The following FOXP2 variants were observed in gnomAD, a reference collection of about 807,000 sequenced individuals.
FOXP2 encodes the protein forkhead box protein P2.
In FOXP2, 12 loss-of-function variants were observed where a neutral mutation model predicts 115.8. The observed-to-expected ratio is 0.10, with a 90% CI of 0.07 to 0.17. The LOEUF is 0.17. Ranked by LOEUF, FOXP2 falls within the 10% of genes least tolerant of loss-of-function variation. The pLI is 1.00. For synonymous variants in FOXP2, 328 were observed against 297.7 expected (o/e 1.10, Z -1.05); for missense variants, 629 against 843.5 (o/e 0.75, Z 3.15).
At chr7:114,169,163 A>AG (rs202225545) in intron 1 of FOXP2, among the ~76,000 whole-genome samples, 131,200 of 152,024 alleles carry the variant, frequency 0.86, 57,039 homozygotes, top group Non-Finnish European at 0.92. Flanking sequence ...GCACTGGTGC[A>AG]CTGTGAGAAG....
intron 1 of FOXP2, among the ~76,000 whole-genome samples, chr7:114,126,368 A>G (rs1241210637): frequency 1.3e-5 from 2 of 152,278 alleles, no homozygotes; most frequent in Admixed American, 6.5e-5. Context: ...GTGTCAATGT[A>G]TAGTTACAGT....
intron 2 of FOXP2, among the ~76,000 whole-genome samples, chr7:114,475,174 G>T (rs890842401): frequency 2.0e-5 from 3 of 151,942 alleles, no homozygotes; most frequent in African/African-American, 4.8e-5. Context: ...AAAACAAATT[G>T]ATATATAGTT....
intron 2 of FOXP2, among the ~76,000 whole-genome samples, chr7:114,293,877 T>A (rs911431353): frequency 6.6e-6 from 1 of 152,104 alleles, no homozygotes; most frequent in African/African-American, 2.4e-5. Flanking sequence ...GAGAACAGAC[T>A]CATACAAGAT....
At chr7:114,091,401 C>T (rs1195118390) in intron 1 of FOXP2, among the ~76,000 whole-genome samples, 1 of 151,790 alleles carries the variant, frequency 6.6e-6, no homozygotes, top group Non-Finnish European at 1.5e-5. Context: ...TAGTAATATT[C>T]ATGAAAGCTA....
intron 1 of FOXP2, among the ~76,000 whole-genome samples, chr7:114,253,809 T>G (rs1287264960): frequency 6.6e-6 from 1 of 152,206 alleles, no homozygotes; most frequent in South Asian, 2.1e-4. Context: ...ATTAATATTG[T>G]TATGTGTGAA....
At chr7:114,282,953 C>T (rs918917075) in intron 1 of FOXP2, among the ~76,000 whole-genome samples, 11 of 152,170 alleles carry the variant, frequency 7.2e-5, no homozygotes, top group African/African-American at 2.7e-4. Flanking sequence ...AATGTAGGCA[C>T]TGCTGCCTCC....
chr7:114,362,960 G>A (rs1250114701), intron 2 of FOXP2, among the ~76,000 whole-genome samples: 1 of 151,926 alleles, frequency 6.6e-6, no homozygotes, highest in Non-Finnish European at 1.5e-5. Context: ...CATAGCAGAG[G>A]CCCTATCATT....
intron 2 of FOXP2, among the ~76,000 whole-genome samples, chr7:114,463,790 G>A (rs1385461326): frequency 1.3e-5 from 2 of 152,010 alleles, no homozygotes; most frequent in Admixed American, 6.6e-5. Flanking sequence ...GGTAAGTCCA[G>A]GTAAAAAACA....
At chr7:114,653,672 C>T (rs141540857) in intron 9 of FOXP2, among the ~76,000 whole-genome samples, 56 of 152,182 alleles carry the variant, frequency 3.7e-4, no homozygotes, top group African/African-American at 1.3e-3. Context: ...CAACTGTGAC[C>T]TCAATTCTCT....
intron 2 of FOXP2, among the ~76,000 whole-genome samples, chr7:114,499,942 A>G (rs1330011451): frequency 6.6e-6 from 1 of 152,282 alleles, no homozygotes; most frequent in Non-Finnish European, 1.5e-5. Flanking sequence ...TCAGCAGGGC[A>G]CGGTGGCTCA....
intron 2 of FOXP2, among the ~76,000 whole-genome samples, chr7:114,533,852 G>C (rs1348739144): frequency 6.6e-6 from 1 of 151,830 alleles, no homozygotes; most frequent in Admixed American, 6.6e-5. Context: ...TTACTGAACT[G>C]TTCCTCCTCC....
intron 3 of FOXP2, among the ~76,000 whole-genome samples, chr7:114,578,073 G>T (rs144040813): frequency 1.3e-5 from 2 of 151,868 alleles, no homozygotes; most frequent in African/African-American, 4.8e-5. Context: ...ACATTTTCTG[G>T]TGCATAGATC....
intron 2 of FOXP2, among the ~76,000 whole-genome samples, chr7:114,388,566 T>A (rs1365376969): frequency 6.6e-6 from 1 of 152,178 alleles, no homozygotes; most frequent in African/African-American, 2.4e-5. Context: ...TTAAAAAGTT[T>A]TGTCGTTATT....
At chr7:114,417,308 A>T (rs2129200835) in intron 1 of FOXP2, among the ~76,000 whole-genome samples, 1 of 152,080 alleles carries the variant, frequency 6.6e-6, no homozygotes, top group East Asian at 1.9e-4. Flanking sequence ...TCCCCCTGGC[A>T]ATTTTCTGTT....
At chr7:114,181,436 C>G (rs1003647883) in intron 1 of FOXP2, among the ~76,000 whole-genome samples, 1 of 151,868 alleles carries the variant, frequency 6.6e-6, no homozygotes, top group East Asian at 1.9e-4. Flanking sequence ...ACTGTGTTTT[C>G]TTTGTTTGGA....
At chr7:114,432,324 C>T (rs1794146251) in intron 2 of FOXP2, among the ~76,000 whole-genome samples, 1 of 151,938 alleles carries the variant, frequency 6.6e-6, no homozygotes, top group African/African-American at 2.4e-5. Context: ...TCAAGCAAAA[C>T]TCTCATGCAA....
intron 1 of FOXP2, among the ~76,000 whole-genome samples, chr7:114,265,684 T>C (rs1246629321): frequency 6.7e-6 from 1 of 149,714 alleles, no homozygotes; most frequent in Non-Finnish European, 1.5e-5. Flanking sequence ...CGGTGGGGAC[T>C]CTGCCTCTGC....
At chr7:114,157,206 C>T (rs1239599807) in intron 1 of FOXP2, among the ~76,000 whole-genome samples, 1 of 152,082 alleles carries the variant, frequency 6.6e-6, no homozygotes, top group African/African-American at 2.4e-5. Context: ...ATAATACATT[C>T]TCTATTTTCA....
At chr7:114,305,265 T>C (rs1796986374) in intron 2 of FOXP2, among the ~76,000 whole-genome samples, 1 of 152,184 alleles carries the variant, frequency 6.6e-6, no homozygotes, top group Non-Finnish European at 1.5e-5. Context: ...AAACGTTCAT[T>C]GAAAAGAAGG....
Sources: allele counts gnomAD v4.1 joint callset (sites outside exome capture counted in the v4.1 genomes callset), GRCh38; gene constraint gnomAD v4.1.1; transcripts MANE v1.5; gene names NCBI Gene and HGNC (gene_info 2026-07-23, HGNC 2026-07-21).